The following PRKCA variants were observed in gnomAD, a reference collection of about 807,000 sequenced individuals.
PRKCA encodes the protein protein kinase C alpha type.
A neutral mutation model predicts 87.0 loss-of-function variants in PRKCA; 27 were observed. That is an observed-to-expected ratio of 0.31 (90% CI 0.23 to 0.43). The LOEUF (loss-of-function observed/expected upper bound fraction) is 0.43, where lower values mean the gene tolerates loss of function less well. Ranked by LOEUF, PRKCA falls within the 20% of genes least tolerant of loss-of-function variation. PRKCA has a pLI of 1.00. For missense variants in PRKCA, 518 were observed against 852.3 expected, an observed-to-expected ratio of 0.61 and a Z score of 4.88; for synonymous variants, 329 against 311.1, an observed-to-expected ratio of 1.06 and a Z score of -0.61.
chr17:66,602,532 C>G (rs561754974), intron 3 of PRKCA, among the ~76,000 whole-genome samples: 6 of 152,092 alleles, frequency 3.9e-5, no homozygotes, highest in Non-Finnish European at 7.4e-5. Flanking sequence ...CCGTCTTCTG[C>G]GTCGCTCACG....
At chr17:66,417,169 G>A (rs1257043567) in intron 2 of PRKCA, among the ~76,000 whole-genome samples, 1 of 151,824 alleles carries the variant, frequency 6.6e-6, no homozygotes, top group East Asian at 1.9e-4. Context: ...CAAAGTGCTG[G>A]AATTACAGGT....
chr17:66,700,529 C>T (rs551050429), intron 8 of PRKCA, among the ~76,000 whole-genome samples: 3 of 151,440 alleles, frequency 2.0e-5, no homozygotes, highest in African/African-American at 7.2e-5. Flanking sequence ...ATGACATGAT[C>T]ATATATATAT....
intron 13 of PRKCA, among the ~76,000 whole-genome samples, chr17:66,761,863 A>G (rs1205005414): frequency 6.6e-6 from 1 of 152,094 alleles, no homozygotes; most frequent in African/African-American, 2.4e-5. Context: ...TAGTTTGGTA[A>G]TCTGTGATAC....
chr17:66,421,576 A>C (rs1356236212), intron 2 of PRKCA, among the ~76,000 whole-genome samples: 2 of 151,464 alleles, frequency 1.3e-5, no homozygotes, highest in Non-Finnish European at 2.9e-5. Flanking sequence ...TCTATTATTC[A>C]GGCTGGAGTA....
intron 2 of PRKCA, among the ~76,000 whole-genome samples, chr17:66,409,296 G>T (rs1911630767): frequency 6.6e-6 from 1 of 152,050 alleles, no homozygotes; most frequent in Admixed American, 6.6e-5. Context: ...CTTCTGTGAG[G>T]CCTTAGGGGG....
chr17:66,687,319 C>G, intron 6 of PRKCA, 52 bp downstream of exon 6: 1 of 1,546,538 alleles, frequency 6.5e-7, no homozygotes, highest in Admixed American at 1.9e-5. Flanking sequence ...ATGCAGTTGC[C>G]CACCTCATTA....
At chr17:66,460,277 A>T (rs1463024534) in intron 2 of PRKCA, among the ~76,000 whole-genome samples, 1 of 152,170 alleles carries the variant, frequency 6.6e-6, no homozygotes, top group Admixed American at 6.5e-5. Flanking sequence ...CATATGGCTG[A>T]AGTCGTGGTT....
chr17:66,621,845 G>T (rs1970690258), intron 3 of PRKCA, among the ~76,000 whole-genome samples: 2 of 152,176 alleles, frequency 1.3e-5, no homozygotes, highest in East Asian at 1.9e-4. Context: ...CATTTCCTCT[G>T]TTAAGCCATA....
chr17:66,775,491 C>T (rs1437072813), intron 14 of PRKCA: 21 of 984,962 alleles, frequency 2.1e-5, no homozygotes, highest in East Asian at 2.3e-4. Context: ...TTGGTAATCA[C>T]GAAGCAGGCT....
chr17:66,374,983 T>C (rs114253294), intron 2 of PRKCA, among the ~76,000 whole-genome samples: 1,668 of 152,242 alleles, frequency 0.011, 39 homozygotes, highest in African/African-American at 0.038. Flanking sequence ...TCTGCCCGCC[T>C]TGGCCTCTCG....
At chr17:66,336,517 G>T (rs1041789004) in intron 2 of PRKCA, among the ~76,000 whole-genome samples, 4 of 151,630 alleles carry the variant, frequency 2.6e-5, no homozygotes, top group African/African-American at 9.7e-5. Flanking sequence ...ACTAAAGTTG[G>T]CCATTTGTAT....
chr17:66,546,934 C>A (rs574508443), intron 3 of PRKCA, among the ~76,000 whole-genome samples: 2 of 152,026 alleles, frequency 1.3e-5, no homozygotes, highest in African/African-American at 4.8e-5. Flanking sequence ...ACTTGTATTT[C>A]CCCTCATTTT....
In PRKCA at chr17:66,613,779, CT is replaced by C. The variant is rs57610655; in HGVS notation, c.289-27550del. ...CACCTTAATCCAGTATGACTTCATC[CT>C]TTTTTTTTTTTTTTTTTTTTTTTTT... On this transcript the variant is annotated intron_variant, in intron 3 of 16. Transcript: ENST00000413366. 6.3e-3 allele frequency among the ~76,000 whole-genome samples: 436 copies of C among 69,350 alleles called. 2 individuals are homozygous for C. Among genetic ancestry groups the C allele is most frequent in the African/African-American group, 0.024 (388 of 16,244 alleles). 45.5% of individuals were successfully genotyped at this position (69,350 alleles called of 152,430 possible). A position where few individuals can be genotyped will look rare whatever the true frequency, so the allele number is the denominator to read the frequency against.
intron 3 of PRKCA, among the ~76,000 whole-genome samples, chr17:66,580,534 G>A (rs117123705): frequency 0.012 from 1,784 of 152,282 alleles, 7 homozygotes; most frequent in Non-Finnish European, 0.018. Context: ...AGGGTTCCAC[G>A]CATTCTTAGC....
At chr17:66,520,596 T>G (rs1417889166) in intron 3 of PRKCA, among the ~76,000 whole-genome samples, 2 of 152,216 alleles carry the variant, frequency 1.3e-5, no homozygotes, top group African/African-American at 4.8e-5. Context: ...GTATTTGTCT[T>G]GCTATCAAAA....
rs117117596 is a variant in PRKCA, at chr17:66,546,477, G to A, written c.288+50194G>A. On this transcript the variant is annotated intron_variant, in intron 3 of 16. Transcript: ENST00000413366. ...AGGCTCTTGGCAAGAATCTTTCCTT[G>A]CATTTTCCTACGTTGTGTTAGTTGC... 1.1e-3 allele frequency among the ~76,000 whole-genome samples: 172 copies of A among 152,274 alleles called. 1 individual carries two copies. The highest frequency in any genetic ancestry group is 2.2e-3 in the Non-Finnish European group (149 of 68,016).
At chr17:66,351,945 A>C (rs1907770681) in intron 2 of PRKCA, among the ~76,000 whole-genome samples, 1 of 152,042 alleles carries the variant, frequency 6.6e-6, no homozygotes, top group African/African-American at 2.4e-5. Flanking sequence ...GGCTTCCTCC[A>C]CTTCCCTGCT....
intron 2 of PRKCA, among the ~76,000 whole-genome samples, chr17:66,366,292 A>G (rs1416878513): frequency 6.6e-6 from 1 of 152,234 alleles, no homozygotes; most frequent in Non-Finnish European, 1.5e-5. Context: ...GTACAAATAT[A>G]GATTGCTATA....
chr17:66,313,421 A>G (rs934172180), intron 2 of PRKCA, among the ~76,000 whole-genome samples: 1 of 152,252 alleles, frequency 6.6e-6, no homozygotes, highest in Non-Finnish European at 1.5e-5. Context: ...TAATAAGTTA[A>G]CATATGTAAT....
Sources: gnomAD v4.1 joint callset for allele counts (sites outside exome capture counted in the v4.1 genomes callset) on GRCh38, gnomAD v4.1.1 for gene constraint, MANE v1.5 for transcripts, NCBI Gene and HGNC (gene_info 2026-07-23, HGNC 2026-07-21) for gene names.